F9: variants seen among roughly 807,000 people sequenced by gnomAD.
F9 encodes the protein coagulation factor IX.
In F9, 2 loss-of-function variants were observed where a neutral mutation model predicts 34.1. The ratio of observed to expected loss-of-function variants is 0.06; its 90% confidence interval spans 0.02 to 0.18. F9 has a LOEUF of 0.18. Ranked by LOEUF, F9 falls within the 10% of genes least tolerant of loss-of-function variation. The pLI is 1.00. For missense variants in F9, 216 were observed against 345.1 expected, an observed-to-expected ratio of 0.63 and a Z score of 2.96; for synonymous variants, 137 against 118.8, an observed-to-expected ratio of 1.15 and a Z score of -1.00.
intron 5 of F9, among the ~76,000 whole-genome samples, chrX:139,549,118 G>A (rs186238187): frequency 9.0e-6 from 1 of 111,468 alleles, no homozygotes; most frequent in African/African-American, 3.3e-5. Flanking sequence ...CTCCATGTTC[G>A]TATGGCTGTT....
intron 4 of F9, among the ~76,000 whole-genome samples, chrX:139,541,579 T>C (rs1174127305): frequency 8.9e-6 from 1 of 111,810 alleles, no homozygotes; most frequent in Non-Finnish European, 1.9e-5. Context: ...TTCTAACTAC[T>C]ATATTCAAAA....
intron 3 of F9, 99 bp from the exon 4 acceptor site, chrX:139,540,977 C>A: frequency 1.7e-6 from 1 of 592,768 alleles, no homozygotes; most frequent in Non-Finnish European, 2.7e-6. Context: ...TTTGCTCTGA[C>A]CCTAAAATCA....
chrX:139,537,350 T>C lies in F9; in HGVS notation c.253-12T>C, dbSNP rs770212542. On this transcript the variant is annotated splice_polypyrimidine_tract_variant and intron_variant, in intron 2 of 7. Transcript: ENST00000218099. ...ATATTACCGTTAATTTGTCTTCTTT[T>C]ATTCTTTATAGACTGAATTTTGGAA... 1.7e-6 allele frequency: 2 copies of C among 1,190,595 alleles called. No individual in the cohort carries two copies. Among genetic ancestry groups the C allele is most frequent in the Non-Finnish European group, 2.3e-6 (2 of 876,929 alleles).
At position 139,548,400 on chromosome X, in the gene F9, G is replaced by C; in HGVS notation, c.429G>C (p.Gln143His). 1.7e-6 allele frequency: 2 copies of C among 1,210,805 alleles called. No individual in the cohort carries two copies. Among genetic ancestry groups the C allele is most frequent in the East Asian group, 5.9e-5 (2 of 33,809 alleles). ...TCNIKNGRCE[Q>H]FCKNSADNKV... is the part of the protein sequence containing the mutation. ...ACATTAAGAATGGCAGATGCGAGCA[G>C]TTTTGTAAAAATAGTGCTGATAACA... The change falls in exon 5 of 8, where the codon CAG becomes CAC. Residue 143 changes from glutamine to histidine, a missense_variant. Physicochemically the swap from Gln to His is conservative, Grantham distance 24. Transcript: ENST00000218099.
At chrX:139,536,793 G>A (rs756135929) in intron 1 of F9, among the ~76,000 whole-genome samples, 1 of 111,692 alleles carries the variant, frequency 9.0e-6, no homozygotes, top group East Asian at 2.8e-4. Context: ...TTTTATTACT[G>A]GAATTCTCTT....
At chrX:139,556,173 T>TA (rs1052707843) in intron 6 of F9, among the ~76,000 whole-genome samples, 6 of 110,339 alleles carry the variant, frequency 5.4e-5, no homozygotes, top group African/African-American at 1.3e-4. Flanking sequence ...TCTATTAGAT[T>TA]AAAAAAAAAG....
At chrX:139,557,730 A>G (rs1928001323) in intron 6 of F9, among the ~76,000 whole-genome samples, 1 of 112,945 alleles carries the variant, frequency 8.9e-6, no homozygotes, top group Admixed American at 9.3e-5. Flanking sequence ...GCCAAGTTTT[A>G]TTGATGCTGA....
In F9 at chrX:139,537,172, CAGTG is replaced by C; in HGVS notation, c.252+3_252+6del. On this transcript the variant is annotated splice_donor_variant and splice_donor_region_variant and coding_sequence_variant and intron_variant, in exon 2 of 8. Coordinates refer to ENST00000218099, the MANE Select transcript of F9 (RefSeq NM_000133.4). LOFTEE classifies it high-confidence loss of function. ...GAAGTTTTTGAAAACACTGAAAGAA[CAGTG>C]AGTATTTCCACATAATACCCTTCAG... is the stretch of plus-strand genomic sequence containing the variant. 1 of 1,208,859 alleles carries C rather than the reference CAGTG, an allele frequency of 8.3e-7. No homozygotes were observed. The highest frequency in any genetic ancestry group is 1.1e-6 in the Non-Finnish European group (1 of 893,164).
At position 139,562,030 on chromosome X, in the gene F9, C is replaced by T. The variant is rs757996262; in HGVS notation, c.1345C>T (p.Arg449Trp). 1.5e-4 allele frequency: 176 copies of T among 1,208,780 alleles called. No individual in the cohort carries two copies. The highest frequency in any genetic ancestry group is 1.9e-4 in the Non-Finnish European group (166 of 894,495). The change falls in exon 8 of 8, where the codon CGG becomes TGG. Residue 449 changes from arginine to tryptophan, a missense_variant. Around this residue, in one of 2 missense-constraint regions of F9, gnomAD observed 177 missense variants for 311.8 expected, o/e 0.57. Coordinates refer to ENST00000218099, the MANE Select transcript of F9 (RefSeq NM_000133.4). ...ATATGGAATATATACCAAGGTATCC[C>T]GGTATGTCAACTGGATTAAGGAAAA... ...GKYGIYTKVS[R>W]YVNWIKEKTK...
chrX:139,553,217 G>T (rs1280369712), intron 6 of F9, among the ~76,000 whole-genome samples: 1 of 111,385 alleles, frequency 9.0e-6, no homozygotes, highest in Non-Finnish European at 1.9e-5. Context: ...CACCCTATGA[G>T]GACTGCTTCC....
intron 1 of F9, among the ~76,000 whole-genome samples, chrX:139,535,758 CAT>C (rs772969387): frequency 2.7e-4 from 30 of 111,520 alleles, no homozygotes; most frequent in Middle Eastern, 4.6e-3. Flanking sequence ...CACACAAACA[CAT>C]GTGTGTGTAT....
intron 3 of F9, among the ~76,000 whole-genome samples, chrX:139,537,787 A>T (rs1927518991): frequency 9.2e-6 from 1 of 108,398 alleles, no homozygotes; most frequent in East Asian, 2.9e-4. Flanking sequence ...GTCCTTCCCC[A>T]CCCTCCCCAT....
intron 3 of F9, among the ~76,000 whole-genome samples, chrX:139,539,737 C>T (rs762957543): frequency 1.8e-5 from 2 of 112,125 alleles, no homozygotes; most frequent in East Asian, 5.6e-4. Context: ...CAGAGATAAC[C>T]GATTTTGTTT....
chrX:139,543,465 T>C (rs754737921), intron 4 of F9, among the ~76,000 whole-genome samples: 15 of 112,105 alleles, frequency 1.3e-4, no homozygotes, highest in African/African-American at 4.8e-4. Flanking sequence ...CACAAGCCTA[T>C]AAACACCTTC....
At chrX:139,542,930 G>T (rs1018189772) in intron 4 of F9, among the ~76,000 whole-genome samples, 4 of 111,116 alleles carry the variant, frequency 3.6e-5, no homozygotes, top group Non-Finnish European at 7.6e-5. Flanking sequence ...ATCTGATCAA[G>T]GTTTAGAAAA....
rs778076978 is a variant in F9 at position 139,562,417 on chromosome X, G to T, written c.*346G>T. The stretch of plus-strand genomic sequence containing the variant: ...CTCCTTAGCAGCATTCCATCTTCCC[G>T]ATCTTCTTTGCTTCTCCAACCAAAA... On this transcript the variant is annotated 3_prime_UTR_variant, in exon 8 of 8. Transcript: ENST00000218099. 1.2e-4 allele frequency: 29 copies of T among 241,846 alleles called. No individual in the cohort carries two copies. The highest frequency in any genetic ancestry group is 8.3e-4 in the African/African-American group (29 of 35,011). The allele number at this position is 241,846 out of a possible 1,213,427, so 19.9% of individuals were successfully genotyped here.
intron 4 of F9, among the ~76,000 whole-genome samples, chrX:139,541,521 T>C (rs1927601642): frequency 8.9e-6 from 1 of 111,808 alleles, no homozygotes; most frequent in African/African-American, 3.2e-5. Flanking sequence ...TACAGAGGCA[T>C]AAATGGTTTA....
intron 7 of F9, among the ~76,000 whole-genome samples, chrX:139,561,257 A>G (rs4149750): frequency 0.015 from 1,669 of 112,033 alleles, 31 homozygotes; most frequent in African/African-American, 0.051. Context: ...TGGAAAATCT[A>G]GGATAATTCA....
chrX:139,547,485 G>A (rs1325906211), intron 4 of F9: 1 of 111,087 alleles, frequency 9.0e-6, no homozygotes, highest in African/African-American at 3.3e-5. Flanking sequence ...ACCCCATACA[G>A]TGATGGTGGG....
Sources: gnomAD v4.1 joint callset for allele counts (sites outside exome capture counted in the v4.1 genomes callset) on GRCh38, gnomAD v4.1.1 for gene constraint, gnomAD v4.1.1 regional missense constraint, MANE v1.5 for transcripts, NCBI Gene and HGNC (gene_info 2026-07-23, HGNC 2026-07-21) for gene names.